Variants in C3orf20 observed in about 807,000 individuals in gnomAD.
C3orf20 encodes the protein uncharacterized protein C3orf20.
C3orf20 carries 76 observed loss-of-function variants against 88.3 expected under a neutral mutation model. The observed-to-expected ratio is 0.86, with a 90% CI of 0.72 to 1.04. The LOEUF (loss-of-function observed/expected upper bound fraction) is 1.04. Among genes scored for constraint, C3orf20 ranks in the 50% least tolerant of loss-of-function variants. C3orf20 has a pLI of 0.00. For synonymous variants in C3orf20, 436 were observed against 437.4 expected (o/e 1.00, Z 0.04); for missense variants, 1,056 against 1,123.3 (o/e 0.94, Z 0.86).
intron 13 of C3orf20, among the ~76,000 whole-genome samples, chr3:14,758,978 T>C (rs1360507761): frequency 6.6e-6 from 1 of 152,234 alleles, no homozygotes; most frequent in African/African-American, 2.4e-5. Context: ...TAGAGTTGAT[T>C]TTAGCTTATT....
At chr3:14,676,356 T>C (rs1202334916) in intron 1 of C3orf20, among the ~76,000 whole-genome samples, 1 of 152,164 alleles carries the variant, frequency 6.6e-6, no homozygotes, top group Non-Finnish European at 1.5e-5. Context: ...ACCTTTTCCT[T>C]AAAAAGAAAA....
intron 15 of C3orf20, among the ~76,000 whole-genome samples, chr3:14,762,403 C>T (rs2035588443): frequency 6.6e-6 from 1 of 152,178 alleles, no homozygotes; most frequent in Non-Finnish European, 1.5e-5. Flanking sequence ...ACATCCTAGT[C>T]CAGGAAGGAG....
Position 14,704,554 on chromosome 3 carries a change from G to T in C3orf20, c.1096G>T (p.Gly366Trp). 1 of 1,614,002 alleles carries T rather than the reference G, an allele frequency of 6.2e-7. No individual in the cohort carries two copies. The highest frequency in any genetic ancestry group is 1.1e-5 in the South Asian group (1 of 91,072). Residue 366 changes from glycine to tryptophan, a missense_variant, in exon 7 of 17, where the codon GGG becomes TGG. Gly to Trp is a radical substitution (Grantham distance 184, BLOSUM62 -2). Transcript: ENST00000253697. ...NHHFSQHCQE[G>W]KAPKKAFKFH... ...TCATTTCAGTCAGCATTGTCAAGAG[G>T]GGAAGGCACCCAAGAAGGCCTTCAA... is the stretch of plus-strand genomic sequence containing the variant.
intron 9 of C3orf20, among the ~76,000 whole-genome samples, chr3:14,720,313 A>G (rs1168770616): frequency 1.3e-5 from 2 of 152,226 alleles, no homozygotes; most frequent in Non-Finnish European, 2.9e-5. Flanking sequence ...TACAGGTGTG[A>G]GCCACCGTGC....
At chr3:14,752,443 TA>T (rs1206364622) in intron 12 of C3orf20, among the ~76,000 whole-genome samples, 7 of 152,124 alleles carry the variant, frequency 4.6e-5, no homozygotes, top group African/African-American at 1.4e-4. Context: ...ACTTCGTGAC[TA>T]AAACATCAAA....
chr3:14,692,807 A>G (rs951108863), intron 5 of C3orf20, among the ~76,000 whole-genome samples: 6 of 152,050 alleles, frequency 3.9e-5, no homozygotes, highest in African/African-American at 1.4e-4. Context: ...ATCTTTGCCC[A>G]CTCCAACGTC....
intron 5 of C3orf20, among the ~76,000 whole-genome samples, chr3:14,697,247 T>G (rs1445056198): frequency 6.6e-6 from 1 of 152,148 alleles, no homozygotes; most frequent in Non-Finnish European, 1.5e-5. Context: ...CTGTTATTAT[T>G]TCTTTGAATA....
chr3:14,735,487 G>A (rs1464766345), intron 12 of C3orf20, among the ~76,000 whole-genome samples: 2 of 152,064 alleles, frequency 1.3e-5, no homozygotes, highest in Non-Finnish European at 1.5e-5. Context: ...TGCAGACAAT[G>A]CAATGATCTT....
chr3:14,709,571 A>G (rs990296673), intron 7 of C3orf20, among the ~76,000 whole-genome samples: 1 of 152,088 alleles, frequency 6.6e-6, no homozygotes, highest in African/African-American at 2.4e-5. Flanking sequence ...GTGTTTTTTA[A>G]TCATGAAAGG....
At chr3:14,762,998 A>G (rs1236028580) in intron 15 of C3orf20, among the ~76,000 whole-genome samples, 1 of 152,210 alleles carries the variant, frequency 6.6e-6, no homozygotes, top group Non-Finnish European at 1.5e-5. Flanking sequence ...AGGTGCAGAC[A>G]GAAAAGTCAC....
At chr3:14,728,709 C>G in intron 12 of C3orf20, 21 bp downstream of exon 12, 1 of 1,610,160 alleles carries the variant, frequency 6.2e-7, no homozygotes. Flanking sequence ...TCCTTCACGT[C>G]TTCCGCAGCA....
intron 12 of C3orf20, among the ~76,000 whole-genome samples, chr3:14,746,381 T>C (rs941676688): frequency 1.3e-5 from 2 of 152,184 alleles, no homozygotes; most frequent in Non-Finnish European, 2.9e-5. Context: ...AAATTTAGTC[T>C]TAAGGTTATA....
intron 14 of C3orf20, among the ~76,000 whole-genome samples, chr3:14,760,802 G>A (rs2035538120): frequency 6.6e-6 from 1 of 151,890 alleles, no homozygotes; most frequent in Non-Finnish European, 1.5e-5. Flanking sequence ...TAGGATTGGG[G>A]TTTCACCATA....
At chr3:14,741,927 G>C (rs2034910865) in intron 12 of C3orf20, among the ~76,000 whole-genome samples, 1 of 152,170 alleles carries the variant, frequency 6.6e-6, no homozygotes, top group African/African-American at 2.4e-5. Flanking sequence ...ATAGAAAGGG[G>C]CAGTAACTCC....
rs144685728 is a variant in C3orf20 at position 14,679,919 on chromosome 3, C to T, written c.-298-2251C>T. Among the ~76,000 whole-genome samples, 744 of 152,234 alleles carry T rather than the reference C, an allele frequency of 4.9e-3. 5 individuals are homozygous for T. Among genetic ancestry groups the T allele is most frequent in the African/African-American group, 0.017 (702 of 41,542 alleles). On this transcript the variant is annotated intron_variant, in intron 1 of 16. Transcript: ENST00000253697. ...TGGCCAATAAGCATATGAAAAGATG[C>T]TTAGGGAATTAGTCATTAGGGAAAT...
intron 12 of C3orf20, among the ~76,000 whole-genome samples, chr3:14,749,064 A>G (rs1026787805): frequency 2.0e-5 from 3 of 152,294 alleles, no homozygotes; most frequent in African/African-American, 4.8e-5. Context: ...TCTAACTATT[A>G]CTATAGAATT....
chr3:14,720,175 G>A (rs1171241138), intron 9 of C3orf20, among the ~76,000 whole-genome samples: 2 of 152,108 alleles, frequency 1.3e-5, no homozygotes, highest in East Asian at 3.9e-4. Context: ...GACTACAGGT[G>A]TCTGCCACCA....
chr3:14,723,619 G>A (rs2034241519), intron 10 of C3orf20, among the ~76,000 whole-genome samples: 1 of 152,148 alleles, frequency 6.6e-6, no homozygotes, highest in South Asian at 2.1e-4. Context: ...AAGTACCGGA[G>A]AAACACAGGT....
intron 12 of C3orf20, 21 bp downstream of exon 12, chr3:14,728,709 C>A: frequency 6.2e-7 from 1 of 1,610,160 alleles, no homozygotes; most frequent in South Asian, 1.1e-5. Context: ...TCCTTCACGT[C>A]TTCCGCAGCA....
Sources: gnomAD v4.1 joint callset for allele counts (sites outside exome capture counted in the v4.1 genomes callset) on GRCh38, gnomAD v4.1.1 for gene constraint, MANE v1.5 for transcripts, NCBI Gene and HGNC (gene_info 2026-07-23, HGNC 2026-07-21) for gene names.